The following THRB variants were observed in gnomAD, a reference collection of about 807,000 sequenced individuals.
The protein encoded by THRB is thyroid hormone receptor beta.
A neutral mutation model predicts 47.8 loss-of-function variants in THRB; 12 were observed. The observed-to-expected ratio is 0.25, with a 90% CI of 0.16 to 0.41. THRB has a LOEUF of 0.41. Among genes scored for constraint, THRB ranks in the 10% least tolerant of loss-of-function variants. The pLI is 1.00. For synonymous variants in THRB, 218 were observed against 212.2 expected, an observed-to-expected ratio of 1.03 and a Z score of -0.24; for missense variants, 348 against 589.2, an observed-to-expected ratio of 0.59 and a Z score of 4.24.
intron 3 of THRB, among the ~76,000 whole-genome samples, chr3:24,292,399 C>A (rs1399501061): frequency 6.6e-6 from 1 of 152,074 alleles, no homozygotes; most frequent in Non-Finnish European, 1.5e-5. Context: ...GTCTTTCAGT[C>A]CCCAGAAGCA....
intron 1 of THRB, among the ~76,000 whole-genome samples, chr3:24,424,173 T>C (rs2069535249): frequency 6.6e-6 from 1 of 151,876 alleles, no homozygotes; most frequent in Non-Finnish European, 1.5e-5. Context: ...TTTGGAATCC[T>C]TTCATTCCCG....
chr3:24,436,370 C>T (rs74414220), intron 1 of THRB, among the ~76,000 whole-genome samples: 3,154 of 152,210 alleles, frequency 0.021, 132 homozygotes, highest in East Asian at 0.18. Context: ...ACCCAGTTTA[C>T]AAACGCACAG....
intron 2 of THRB, among the ~76,000 whole-genome samples, chr3:24,320,794 T>C (rs1289111602): frequency 6.6e-6 from 1 of 152,136 alleles, no homozygotes; most frequent in African/African-American, 2.4e-5. Context: ...CACCCAACCC[T>C]TGCTGGCATT....
chr3:24,216,937 A>G (rs2046626764), intron 4 of THRB, among the ~76,000 whole-genome samples: 1 of 151,996 alleles, frequency 6.6e-6, no homozygotes, highest in Admixed American at 6.6e-5. Context: ...TGATTTTATA[A>G]TAATACTGAA....
chr3:24,280,771 C>G (rs1442733725), intron 3 of THRB, among the ~76,000 whole-genome samples: 1 of 151,866 alleles, frequency 6.6e-6, no homozygotes, highest in African/African-American at 2.4e-5. Context: ...AACCAAGGCT[C>G]GAGAACTACG....
At chr3:24,325,845 T>C (rs984161068) in intron 2 of THRB, among the ~76,000 whole-genome samples, 2 of 152,164 alleles carry the variant, frequency 1.3e-5, no homozygotes, top group African/African-American at 4.8e-5. Context: ...TAATAAATCA[T>C]AATATAGCAA....
At chr3:24,211,339 G>T (rs1447598000) in intron 4 of THRB, among the ~76,000 whole-genome samples, 1 of 152,120 alleles carries the variant, frequency 6.6e-6, no homozygotes, top group East Asian at 1.9e-4. Context: ...ATTTGCACCT[G>T]GTATTGATCA....
At chr3:24,449,192 T>C (rs942210516) in intron 1 of THRB, among the ~76,000 whole-genome samples, 5 of 152,244 alleles carry the variant, frequency 3.3e-5, no homozygotes, top group Non-Finnish European at 7.3e-5. Context: ...CTTACAGCCA[T>C]ATTTCAGTAC....
intron 1 of THRB, among the ~76,000 whole-genome samples, chr3:24,380,418 C>G (rs2065613842): frequency 6.6e-6 from 1 of 151,890 alleles, no homozygotes; most frequent in African/African-American, 2.4e-5. Context: ...AATTGTGATA[C>G]TCAGCGTTCC....
At chr3:24,203,866 GC>G (rs1417377197) in intron 4 of THRB, among the ~76,000 whole-genome samples, 1 of 152,214 alleles carries the variant, frequency 6.6e-6, no homozygotes, top group African/African-American at 2.4e-5. Context: ...TATATCCCAC[GC>G]CTGGCTTGGA....
intron 5 of THRB, among the ~76,000 whole-genome samples, chr3:24,157,342 G>C (rs371330944): frequency 8.5e-5 from 13 of 152,090 alleles, no homozygotes; most frequent in African/African-American, 3.1e-4. Flanking sequence ...CTGGTGGGCG[G>C]AGGAGGGGCG....
At chr3:24,481,229 GTTTTTTTTTTTTT>G (rs746323691) in intron 1 of THRB, among the ~76,000 whole-genome samples, 3 of 55,380 alleles carry the variant, frequency 5.4e-5, no homozygotes, top group Admixed American at 4.6e-4. Context: ...GTTTCTTTCT[GTTTTTTTTTTTTT>G]TTTTTTTTTT....
chr3:24,130,316 C>T (rs1451070986), intron 9 of THRB, among the ~76,000 whole-genome samples: 1 of 152,150 alleles, frequency 6.6e-6, no homozygotes, highest in Non-Finnish European at 1.5e-5. Context: ...GACCCCTCGC[C>T]CTTGCCGTGG....
chr3:24,405,337 G>C (rs557158260), intron 1 of THRB, among the ~76,000 whole-genome samples: 2 of 151,920 alleles, frequency 1.3e-5, no homozygotes, highest in Non-Finnish European at 2.9e-5. Flanking sequence ...AGTCATGACT[G>C]TTTGTTTACA....
chr3:24,476,213 G>A (rs191136008), intron 1 of THRB, among the ~76,000 whole-genome samples: 249 of 152,304 alleles, frequency 1.6e-3, no homozygotes, highest in Non-Finnish European at 2.7e-3. Flanking sequence ...TTCCCACAGT[G>A]GTGAAATCTG....
chr3:24,311,971 T>A (rs2057789649), intron 2 of THRB, among the ~76,000 whole-genome samples: 1 of 152,232 alleles, frequency 6.6e-6, no homozygotes, highest in Non-Finnish European at 1.5e-5. Context: ...TCCTCTTCTC[T>A]CCACTTCCTC....
chr3:24,299,791 T>A lies in THRB; in HGVS notation c.-188-2420A>T, dbSNP rs866178179. ...CTTTTTTATTTATTTATTTATTTAT[T>A]TTTTTTTTTTTAGCAAACATACCAG... is the stretch of plus-strand genomic sequence containing the variant. On this transcript the variant is annotated intron_variant, in intron 2 of 10. Coordinates refer to ENST00000646209, the MANE Select transcript of THRB (RefSeq NM_001354712.2). Among the ~76,000 whole-genome samples, 748 of 120,164 alleles carry A rather than the reference T, an allele frequency of 6.2e-3. 40 individuals are homozygous for A. The highest frequency in any genetic ancestry group is 0.034 in the Middle Eastern group (8 of 232). 78.8% of individuals were successfully genotyped at this position (120,164 alleles called of 152,430 possible).
At chr3:24,384,402 T>C (rs4282012) in intron 1 of THRB, among the ~76,000 whole-genome samples, 71,192 of 151,922 alleles carry the variant, frequency 0.47, 16,899 homozygotes, top group Admixed American at 0.5. Flanking sequence ...GAGACGAAGA[T>C]GAGCCATGAA....
intron 3 of THRB, among the ~76,000 whole-genome samples, chr3:24,234,343 A>C (rs915981246): frequency 1.3e-5 from 2 of 152,198 alleles, no homozygotes; most frequent in Non-Finnish European, 2.9e-5. Context: ...CTTAAAATGC[A>C]GATAGCTAAT....
Sources: allele counts gnomAD v4.1 joint callset (sites outside exome capture counted in the v4.1 genomes callset), GRCh38; gene constraint gnomAD v4.1.1; transcripts MANE v1.5; gene names NCBI Gene and HGNC (gene_info 2026-07-23, HGNC 2026-07-21).